Variants in EFHD1 observed in about 807,000 individuals in gnomAD.
EFHD1 encodes the protein EF-hand domain-containing protein D1.
In EFHD1, 10 loss-of-function variants were observed where a neutral mutation model predicts 17.2. The observed-to-expected ratio is 0.58, with a 90% CI of 0.36 to 0.99. The LOEUF (loss-of-function observed/expected upper bound fraction) is 0.99. EFHD1 is among the 50% of genes least tolerant of loss of function. The pLI is 0.01. For missense variants in EFHD1, 310 were observed against 327.5 expected (o/e 0.95, Z 0.41); for synonymous variants, 153 against 142.0 (o/e 1.08, Z -0.55).
rs570125821 is a variant in EFHD1 at position 232,680,595 on chromosome 2, G to A, written c.586-990G>A. Reference sequence around the variant, plus strand: ...TGAGATGGAGTCTCACTGCAGCCTCGACCTCCAAGGCTCAAGCGATTCTCC... The same window carrying A: ...TGAGATGGAGTCTCACTGCAGCCTCAACCTCCAAGGCTCAAGCGATTCTCC... On this transcript the variant is annotated intron_variant, in intron 3 of 3. Transcript: ENST00000264059. Among the ~76,000 whole-genome samples the A allele has an allele frequency of 8.6e-5, 13 of 151,958 alleles. No homozygotes were observed. In the East Asian group the frequency reaches 1.9e-3, roughly 23 times the overall value.
intron 1 of EFHD1, among the ~76,000 whole-genome samples, chr2:232,627,036 C>CTCTCTATA (rs1242284297): frequency 1.4e-4 from 16 of 112,698 alleles, no homozygotes; most frequent in South Asian, 2.9e-4. Context: ...CTCTCTCTCT[C>CTCTCTATA]TATATATATA....
At chr2:232,680,262 G>A (rs1330774568) in intron 3 of EFHD1, among the ~76,000 whole-genome samples, 2 of 150,842 alleles carry the variant, frequency 1.3e-5, no homozygotes, top group African/African-American at 2.5e-5. Context: ...ACAACAGAGT[G>A]AGACTCTGTC....
At chr2:232,676,021 C>G (rs925921415) in intron 3 of EFHD1, among the ~76,000 whole-genome samples, 1 of 151,962 alleles carries the variant, frequency 6.6e-6, no homozygotes, top group African/African-American at 2.4e-5. Context: ...ACTAAAAATA[C>G]AAAAATTAGC....
intron 1 of EFHD1, among the ~76,000 whole-genome samples, chr2:232,625,611 T>C (rs1356549560): frequency 6.6e-6 from 1 of 152,168 alleles, no homozygotes; most frequent in Non-Finnish European, 1.5e-5. Flanking sequence ...AGTTAACGGA[T>C]GCTACACACA....
chr2:232,656,917 C>T (rs4973552), intron 1 of EFHD1, among the ~76,000 whole-genome samples: 7,497 of 152,100 alleles, frequency 0.049, 247 homozygotes, highest in South Asian at 0.11. Context: ...TAGCTGGGAC[C>T]GCAGATGTGG....
intron 1 of EFHD1, among the ~76,000 whole-genome samples, chr2:232,653,108 C>T (rs1052568717): frequency 6.6e-6 from 1 of 152,062 alleles, no homozygotes; most frequent in Non-Finnish European, 1.5e-5. Context: ...TTTCTTCTGC[C>T]TCAGCCTCCT....
chr2:232,667,856 C>T (rs572060337), intron 2 of EFHD1, among the ~76,000 whole-genome samples: 1 of 152,294 alleles, frequency 6.6e-6, no homozygotes, highest in Non-Finnish European at 1.5e-5. Context: ...CTGTGTCTGG[C>T]GGAGACATCT....
At chr2:232,635,443 A>G (rs1233322678) in intron 1 of EFHD1, among the ~76,000 whole-genome samples, 3 of 152,226 alleles carry the variant, frequency 2.0e-5, no homozygotes, top group African/African-American at 7.2e-5. Flanking sequence ...CCTAAGAGTG[A>G]TAAAAAGAGT....
At chr2:232,639,142 A>C (rs764999543) in intron 1 of EFHD1, among the ~76,000 whole-genome samples, 3 of 151,852 alleles carry the variant, frequency 2.0e-5, no homozygotes, top group African/African-American at 4.8e-5. Context: ...CTCGCTCCAC[A>C]CCTCCCTCTC....
intron 2 of EFHD1, among the ~76,000 whole-genome samples, chr2:232,664,464 A>T (rs1024306233): frequency 1.3e-5 from 2 of 151,472 alleles, no homozygotes; most frequent in Admixed American, 6.6e-5. Context: ...TATTAAAAAA[A>T]ATTTTGTGGT....
At chr2:232,647,744 C>T (rs1212892137) in intron 1 of EFHD1, among the ~76,000 whole-genome samples, 2 of 151,482 alleles carry the variant, frequency 1.3e-5, no homozygotes, top group African/African-American at 4.9e-5. Flanking sequence ...TCAAGTGATT[C>T]TCCTACCTTA....
upstream of EFHD1, among the ~76,000 whole-genome samples, chr2:232,631,694 A>AG (rs1694203653): frequency 6.8e-6 from 1 of 146,070 alleles, no homozygotes; most frequent in Non-Finnish European, 1.5e-5. Flanking sequence ...AGAACATTAA[A>AG]AAAAAAAAAA....
intron 1 of EFHD1, among the ~76,000 whole-genome samples, chr2:232,622,107 C>T (rs59200588): frequency 0.23 from 35,337 of 152,016 alleles, 4,591 homozygotes; most frequent in East Asian, 0.58. Flanking sequence ...CCCTTCTCTA[C>T]AAAGGGTAGA....
chr2:232,624,638 G>A (rs996727633), intron 1 of EFHD1, among the ~76,000 whole-genome samples: 4 of 152,228 alleles, frequency 2.6e-5, no homozygotes, highest in East Asian at 1.9e-4. Context: ...CAGCCAAGCC[G>A]GGGAAAGTTG....
chr2:232,615,328 T>TGTGTGTGA lies in EFHD1; in HGVS notation c.14+9162_14+9163insAGTGTGTG, dbSNP rs1553594526. On this transcript the variant is annotated intron_variant, in intron 1 of 3. Transcript: ENST00000409613. Reference sequence around the variant, plus strand: ...GTCAACTATAGTGTGTGTGTGTGTGTGTGTGTGTGTGTGTGTGTGTGTGTA... The same window carrying TGTGTGTGA: ...GTCAACTATAGTGTGTGTGTGTGTGTGTGTGTGAGTGTGTGTGTGTGTGTGTGTGTGTA... 4.4e-3 allele frequency among the ~76,000 whole-genome samples: 600 copies of TGTGTGTGA among 135,486 alleles called. 5 individuals carry two copies. The highest frequency in any genetic ancestry group is 0.014 in the African/African-American group (545 of 40,000). 88.9% of individuals were successfully genotyped at this position (135,486 alleles called of 152,430 possible).
intron 1 of EFHD1, among the ~76,000 whole-genome samples, chr2:232,619,346 T>C (rs1693982477): frequency 6.7e-6 from 1 of 150,064 alleles, no homozygotes; most frequent in Non-Finnish European, 1.5e-5. Context: ...GTCTCGCTCT[T>C]TTTCCCTAGG....
chr2:232,651,170 A>G (rs892919191), intron 1 of EFHD1, among the ~76,000 whole-genome samples: 10 of 152,214 alleles, frequency 6.6e-5, no homozygotes, highest in African/African-American at 2.4e-4. Context: ...TCCCTCCTGG[A>G]TTGAGGTTCA....
chr2:232,653,368 A>G (rs935547891), intron 1 of EFHD1, among the ~76,000 whole-genome samples: 3 of 151,996 alleles, frequency 2.0e-5, no homozygotes, highest in African/African-American at 7.2e-5. Flanking sequence ...TTGGCTCACC[A>G]CAACCTCCAC....
chr2:232,609,054 CTTTTTTT>C (rs1244427931), intron 1 of EFHD1, among the ~76,000 whole-genome samples: 1 of 82,264 alleles, frequency 1.2e-5, no homozygotes, highest in African/African-American at 5.1e-5. Context: ...TGCATAAGTT[CTTTTTTT>C]TTTTTTTTTT....
Sources: gnomAD v4.1 joint callset for allele counts (sites outside exome capture counted in the v4.1 genomes callset) on GRCh38, gnomAD v4.1.1 for gene constraint, MANE v1.5 for transcripts, NCBI Gene and HGNC (gene_info 2026-07-23, HGNC 2026-07-21) for gene names.